The following GPATCH1 variants were observed in gnomAD, a reference collection of about 807,000 sequenced individuals.
GPATCH1 encodes the protein G patch domain-containing protein 1.
In GPATCH1, 73 loss-of-function variants were observed where a neutral mutation model predicts 114.9. The observed-to-expected ratio is 0.64, with a 90% CI of 0.53 to 0.77. GPATCH1 has a LOEUF of 0.77. GPATCH1 is among the 30% of genes least tolerant of loss of function. The pLI is 0.00. For synonymous variants in GPATCH1, 391 were observed against 428.4 expected (o/e 0.91, Z 1.08); for missense variants, 1,058 against 1,144.3 (o/e 0.92, Z 1.09).
intron 17 of GPATCH1, among the ~76,000 whole-genome samples, chr19:33,122,614 C>G (rs112480947): frequency 0.021 from 3,143 of 152,204 alleles, 109 homozygotes; most frequent in African/African-American, 0.071. Context: ...TGAGCCACCA[C>G]GCCCGGCCGG....
intron 9 of GPATCH1, among the ~76,000 whole-genome samples, 159 bp downstream of exon 9, chr19:33,101,733 C>T (rs1203777440): frequency 6.6e-6 from 1 of 152,076 alleles, no homozygotes; most frequent in South Asian, 2.1e-4. Context: ...AAACATTCTA[C>T]ATTAGAAATA....
chr19:33,087,044 A>G (rs1436378996), intron 1 of GPATCH1, among the ~76,000 whole-genome samples: 1 of 152,102 alleles, frequency 6.6e-6, no homozygotes, highest in Non-Finnish European at 1.5e-5. Flanking sequence ...TTTAATTTGC[A>G]TAACAACTCC....
intron 4 of GPATCH1, 94 bp downstream of exon 4, chr19:33,093,613 C>G (rs1972622241): frequency 8.4e-7 from 1 of 1,191,878 alleles, no homozygotes; most frequent in South Asian, 1.4e-5. Flanking sequence ...GCAAGTGAGA[C>G]AAGCCTTCTT....
intron 3 of GPATCH1, among the ~76,000 whole-genome samples, chr19:33,092,837 C>T (rs941206669): frequency 1.4e-4 from 21 of 151,976 alleles, no homozygotes; most frequent in Non-Finnish European, 4.4e-5. Flanking sequence ...TAATGAGCAG[C>T]GACTATCATG....
intron 18 of GPATCH1, among the ~76,000 whole-genome samples, chr19:33,125,577 G>A (rs1434043847): frequency 1.3e-5 from 2 of 151,618 alleles, no homozygotes; most frequent in African/African-American, 4.9e-5. Context: ...GTAGAGATGG[G>A]GTTTCACCAT....
rs1270316962 is a variant in GPATCH1, at chr19:33,117,989, C to T, written c.2361C>T (p.Asn787=). The change falls in exon 16 of 20, where the codon AAC becomes AAT. Residue 787 remains asparagine, a synonymous_variant. Transcript: ENST00000170564. The part of the protein sequence containing the change: ...EDDQAGSGEA[N]FQSSQDTDLG... The stretch of plus-strand genomic sequence containing the variant: ...ATCAGGCAGGCTCTGGGGAGGCCAA[C>T]TTCCAAAGCTCCCAAGACACTGACT... 2 of 1,613,728 alleles carry T rather than the reference C, an allele frequency of 1.2e-6. No homozygotes were observed. Among genetic ancestry groups the T allele is most frequent in the East Asian group, 2.2e-5 (1 of 44,874 alleles).
At chr19:33,091,226 A>G (rs1292649070) in intron 3 of GPATCH1, among the ~76,000 whole-genome samples, 1 of 152,010 alleles carries the variant, frequency 6.6e-6, no homozygotes, top group Non-Finnish European at 1.5e-5. Context: ...CCTGGCTAAC[A>G]CGGTGAAACC....
intron 3 of GPATCH1, among the ~76,000 whole-genome samples, chr19:33,092,419 G>T (rs961701954): frequency 6.6e-6 from 1 of 152,094 alleles, no homozygotes; most frequent in Non-Finnish European, 1.5e-5. Flanking sequence ...ACATTTGCTT[G>T]CACAAATTGT....
chr19:33,095,869 T>C, intron 6 of GPATCH1, 49 bp downstream of exon 6: 1 of 1,296,942 alleles, frequency 7.7e-7, no homozygotes, highest in Non-Finnish European at 1.1e-6. Context: ...AGCACCTGTT[T>C]CTGTATGACT....
In GPATCH1 at chr19:33,094,237, G is replaced by C. The variant is rs1366170711; in HGVS notation, c.521G>C (p.Arg174Pro). ...GWKEGQGVGP[R>P]VKRRPRRQKP... The stretch of plus-strand genomic sequence containing the variant: ...AAAGAAGGACAAGGAGTTGGTCCTC[G>C]AGTAAAGAGACGGCCACGCCGACAG... Residue 174 changes from arginine to proline, a missense_variant, in exon 5 of 20, where the codon CGA becomes CCA. Transcript: ENST00000170564. 1 of 1,607,310 alleles carries C rather than the reference G, an allele frequency of 6.2e-7. No homozygotes were observed. Among genetic ancestry groups the C allele is most frequent in the East Asian group, 2.2e-5 (1 of 44,858 alleles).
At chr19:33,099,502 C>G (rs976966620) in intron 8 of GPATCH1, among the ~76,000 whole-genome samples, 9 of 152,078 alleles carry the variant, frequency 5.9e-5, no homozygotes, top group Non-Finnish European at 1.0e-4. Flanking sequence ...CTCTCCCCCC[C>G]TGCAGGGTCA....
chr19:33,112,270 C>T (rs1178887448), intron 12 of GPATCH1, among the ~76,000 whole-genome samples: 1 of 151,954 alleles, frequency 6.6e-6, no homozygotes, highest in Admixed American at 6.6e-5. Context: ...CCGGCCGAGC[C>T]AAATATTTTT....
chr19:33,111,946 A>C, intron 12 of GPATCH1, 44 bp downstream of exon 12: 1 of 1,450,320 alleles, frequency 6.9e-7, no homozygotes, highest in Non-Finnish European at 9.6e-7. Flanking sequence ...TTTAATATTA[A>C]AGCACTGCCT....
intron 17 of GPATCH1, 39 bp from the exon 18 acceptor site, chr19:33,125,066 T>C: frequency 6.4e-7 from 1 of 1,563,258 alleles, no homozygotes; most frequent in Non-Finnish European, 8.7e-7. Flanking sequence ...TTTGTTTTCG[T>C]GCTATATAGG....
At chr19:33,097,992 T>G in intron 8 of GPATCH1, 90 bp downstream of exon 8, 1 of 1,202,162 alleles carries the variant, frequency 8.3e-7, no homozygotes, top group Non-Finnish European at 1.2e-6. Flanking sequence ...AGCACCAGCC[T>G]CTGTTGTTGG....
intron 9 of GPATCH1, among the ~76,000 whole-genome samples, chr19:33,102,071 C>T (rs1368199509): frequency 1.4e-5 from 2 of 140,010 alleles, no homozygotes; most frequent in Non-Finnish European, 1.6e-5. Context: ...TGGTGGCTCA[C>T]GCCTGTAATC....
At chr19:33,085,406 A>C (rs1972525416) in intron 1 of GPATCH1, among the ~76,000 whole-genome samples, 1 of 152,074 alleles carries the variant, frequency 6.6e-6, no homozygotes, top group East Asian at 1.9e-4. Context: ...TTGCGTCACT[A>C]TGTTGCCCAG....
intron 15 of GPATCH1, among the ~76,000 whole-genome samples, chr19:33,117,188 C>T (rs147192384): frequency 1.3e-5 from 2 of 152,010 alleles, no homozygotes; most frequent in African/African-American, 4.8e-5. Flanking sequence ...AGAGTGAGAC[C>T]CTGGCTCAAA....
chr19:33,086,865 T>C (rs945231481), intron 1 of GPATCH1, among the ~76,000 whole-genome samples: 4 of 152,044 alleles, frequency 2.6e-5, no homozygotes, highest in African/African-American at 7.2e-5. Context: ...TCCCAGCTAC[T>C]TGGGAGGCTG....
Sources: allele counts gnomAD v4.1 joint callset (sites outside exome capture counted in the v4.1 genomes callset), GRCh38; gene constraint gnomAD v4.1.1; transcripts MANE v1.5; gene names NCBI Gene and HGNC (gene_info 2026-07-23, HGNC 2026-07-21).